VPS13B: variants seen among roughly 807,000 people sequenced by gnomAD.
VPS13B encodes the protein vacuolar protein sorting 13 homolog B, also known as intermembrane lipid transfer protein VPS13B.
VPS13B carries 285 observed loss-of-function variants against 426.4 expected under a neutral mutation model. That is an observed-to-expected ratio of 0.67 (90% CI 0.61 to 0.74). The LOEUF (loss-of-function observed/expected upper bound fraction) is 0.74. Among genes scored for constraint, VPS13B ranks in the 30% least tolerant of loss-of-function variants. The pLI is 0.00. For synonymous variants in VPS13B, 1,676 were observed against 1,676.4 expected (o/e 1.00, Z 0.01); for missense variants, 4,537 against 4,782.6 (o/e 0.95, Z 1.51).
chr8:99,561,957 AT>A (rs905095516), intron 31 of VPS13B, among the ~76,000 whole-genome samples: 2 of 152,304 alleles, frequency 1.3e-5, no homozygotes, highest in South Asian at 4.1e-4. Context: ...TCATATGGCA[AT>A]TTTATGTTCA....
chr8:99,315,791 C>T (rs1014711402), intron 19 of VPS13B, among the ~76,000 whole-genome samples: 8 of 152,090 alleles, frequency 5.3e-5, no homozygotes, highest in Non-Finnish European at 7.4e-5. Flanking sequence ...CGCCTGCCAC[C>T]GCGCCCGGTT....
At chr8:99,693,802 G>C (rs1348133226) in intron 35 of VPS13B, among the ~76,000 whole-genome samples, 2 of 150,302 alleles carry the variant, frequency 1.3e-5, no homozygotes, top group Non-Finnish European at 3.0e-5. Context: ...AAACCCCATC[G>C]TCTCAGCCCC....
chr8:99,024,145 C>G (rs1405186181), intron 2 of VPS13B, among the ~76,000 whole-genome samples: 1 of 152,024 alleles, frequency 6.6e-6, no homozygotes, highest in Non-Finnish European at 1.5e-5. Flanking sequence ...TCCATTTTCC[C>G]TGTGATTAGT....
At chr8:99,819,796 T>C (rs1361737631) in intron 48 of VPS13B, 125 bp from the exon 49 acceptor site, 3 of 1,323,764 alleles carry the variant, frequency 2.3e-6, no homozygotes, top group Non-Finnish European at 3.2e-6. Context: ...AATTTAGCAT[T>C]GAAAGATTCT....
chr8:99,640,041 A>AAGG (rs1829265546), intron 33 of VPS13B, among the ~76,000 whole-genome samples: 1 of 123,030 alleles, frequency 8.1e-6, no homozygotes, highest in Non-Finnish European at 1.7e-5. Context: ...GAAGAAGAAG[A>AAGG]AGAAGAAGAG....
intron 33 of VPS13B, among the ~76,000 whole-genome samples, chr8:99,588,466 A>G (rs1826425245): frequency 6.6e-6 from 1 of 151,572 alleles, no homozygotes; most frequent in African/African-American, 2.4e-5. Flanking sequence ...ATGTTCTTCC[A>G]TTTGTTTGTG....
intron 30 of VPS13B, among the ~76,000 whole-genome samples, chr8:99,556,088 T>C (rs1824547366): frequency 6.6e-6 from 1 of 152,182 alleles, no homozygotes. Flanking sequence ...ACTTTAGCTG[T>C]CTTTCAAACT....
At chr8:99,196,094 T>C (rs570452468) in intron 17 of VPS13B, among the ~76,000 whole-genome samples, 7 of 152,318 alleles carry the variant, frequency 4.6e-5, no homozygotes, top group African/African-American at 1.7e-4. Flanking sequence ...AAAAATGACA[T>C]TGGAATTTTG....
chr8:99,464,545 A>G (rs3103723), intron 23 of VPS13B, among the ~76,000 whole-genome samples: 27,208 of 152,052 alleles, frequency 0.18, 2,932 homozygotes, highest in East Asian at 0.38. Context: ...CGTTTTTTAT[A>G]TCTATATTAT....
chr8:99,077,941 ATTCT>A (rs1845224694), intron 3 of VPS13B, among the ~76,000 whole-genome samples: 1 of 152,030 alleles, frequency 6.6e-6, no homozygotes, highest in South Asian at 2.1e-4. Flanking sequence ...AAGTTTAGAA[ATTCT>A]TTCTGTTGCT....
rs1057517076 is a variant in VPS13B at position 99,102,961 on chromosome 8, CAG to C, written c.424_425del (p.Leu143AspfsTer2). 6.2e-7 allele frequency: 1 copy of C among 1,604,252 alleles called. No homozygotes were observed. On this transcript the variant is annotated frameshift_variant, in exon 5 of 62. Transcript: ENST00000357162. LOFTEE classifies it high-confidence loss of function. ...TTTTTTCTATTTTATAGGTTATGTGCAGAGTCTGATTAGACGAGTTGTAAATA... is the reference window on the plus strand; with the variant it reads ...TTTTTTCTATTTTATAGGTTATGTGCAGTCTGATTAGACGAGTTGTAAATA... ...TDPDLPPGYV[Q>X]SLIRRVVNNV...
intron 51 of VPS13B, among the ~76,000 whole-genome samples, chr8:99,828,678 G>GT (rs1232037213): frequency 6.6e-6 from 1 of 151,970 alleles, no homozygotes; most frequent in Non-Finnish European, 1.5e-5. Flanking sequence ...AGTTGGTGCA[G>GT]TTTTTTCATA....
At position 99,739,855 on chromosome 8, in the gene VPS13B, A is replaced by T. The variant is rs1186933142; in HGVS notation, c.7050+18808A>T. 3.9e-5 allele frequency among the ~76,000 whole-genome samples: 6 copies of T among 152,168 alleles called. No homozygotes were observed. The East Asian group carries it at 1.2e-3, about 29-fold the overall frequency. On this transcript the variant is annotated intron_variant, in intron 39 of 61. Coordinates refer to ENST00000357162, the MANE Select transcript of VPS13B (RefSeq NM_152564.5). ...AAAATCAAAGACCAAAGGTAGATAA[A>T]ACCACAAAGATGTGGAAAAAACAGA...
chr8:99,604,295 A>G (rs1827464655), intron 33 of VPS13B, among the ~76,000 whole-genome samples: 1 of 152,074 alleles, frequency 6.6e-6, no homozygotes. Flanking sequence ...AATATGGTAC[A>G]TTTTCACAAC....
intron 33 of VPS13B, among the ~76,000 whole-genome samples, chr8:99,594,736 T>C (rs975468123): frequency 6.6e-6 from 1 of 151,968 alleles, no homozygotes; most frequent in South Asian, 2.1e-4. Flanking sequence ...AAATGAGATC[T>C]TGCTGAAACT....
intron 22 of VPS13B, among the ~76,000 whole-genome samples, chr8:99,439,016 T>C (rs1472376404): frequency 6.6e-6 from 1 of 152,148 alleles, no homozygotes; most frequent in East Asian, 1.9e-4. Context: ...AATGCTATAA[T>C]TTCCCCCATT....
chr8:99,692,817 AAGAG>A (rs1304663300), intron 35 of VPS13B, among the ~76,000 whole-genome samples: 2 of 147,404 alleles, frequency 1.4e-5, no homozygotes, highest in African/African-American at 5.1e-5. Flanking sequence ...TAAAGAAAAA[AAGAG>A]AGAAGAATCA....
intron 17 of VPS13B, among the ~76,000 whole-genome samples, chr8:99,245,799 C>T (rs759784571): frequency 1.3e-5 from 2 of 152,234 alleles, no homozygotes; most frequent in Non-Finnish European, 2.9e-5. Context: ...CCGCCTCAGC[C>T]TCCCAAAGTT....
intron 39 of VPS13B, among the ~76,000 whole-genome samples, chr8:99,754,891 GC>G (rs1048675305): frequency 9.9e-5 from 15 of 151,998 alleles, no homozygotes; most frequent in Non-Finnish European, 1.9e-4. Flanking sequence ...CAACCCCCAT[GC>G]CCCCACTCCC....
Sources: allele counts gnomAD v4.1 joint callset (sites outside exome capture counted in the v4.1 genomes callset), GRCh38; gene constraint gnomAD v4.1.1; transcripts MANE v1.5; gene names NCBI Gene and HGNC (gene_info 2026-07-23, HGNC 2026-07-21).